Variants in SLC38A11 observed in about 807,000 individuals in gnomAD.
SLC38A11 encodes solute carrier family 38 member 11.
In SLC38A11, 51 loss-of-function variants were observed where a neutral mutation model predicts 49.4. That is an observed-to-expected ratio of 1.03 (90% CI 0.83 to 1.30). The LOEUF (loss-of-function observed/expected upper bound fraction) is 1.30, where lower values mean the gene tolerates loss of function less well. Among genes scored for constraint, SLC38A11 ranks in the 50% most tolerant of loss-of-function variants. The probability of loss-of-function intolerance (pLI) is 0.00; values close to 1 mark genes in which losing one functional copy is unlikely to be tolerated. For missense variants in SLC38A11, 574 were observed against 556.2 expected (o/e 1.03, Z -0.32); for synonymous variants, 203 against 192.9 (o/e 1.05, Z -0.43).
chr2:164,899,485 C>T (rs1454466303), intron 11 of SLC38A11, among the ~76,000 whole-genome samples: 1 of 151,938 alleles, frequency 6.6e-6, no homozygotes, highest in Non-Finnish European at 1.5e-5. Context: ...AGAGACTTTC[C>T]CCTTGAATAG....
chr2:164,951,367 T>G (rs1029192283), intron 3 of SLC38A11, among the ~76,000 whole-genome samples: 16 of 152,176 alleles, frequency 1.1e-4, no homozygotes, highest in African/African-American at 3.9e-4. Context: ...TGAAATTTTT[T>G]TTTTTAGTGT....
chr2:164,909,048 T>A (rs771519179), intron 10 of SLC38A11, among the ~76,000 whole-genome samples: 11 of 152,156 alleles, frequency 7.2e-5, no homozygotes, highest in Non-Finnish European at 1.2e-4. Flanking sequence ...ATCTTTCAAG[T>A]ACAGGAGAGA....
intron 7 of SLC38A11, among the ~76,000 whole-genome samples, chr2:164,927,200 A>G (rs1463714666): frequency 6.6e-6 from 1 of 152,110 alleles, no homozygotes; most frequent in South Asian, 2.1e-4. Context: ...GCAGAGTTCA[A>G]GGTGTCATCT....
chr2:164,928,448 G>A (rs1245370350), intron 7 of SLC38A11, among the ~76,000 whole-genome samples: 1 of 152,142 alleles, frequency 6.6e-6, no homozygotes, highest in African/African-American at 2.4e-5. Flanking sequence ...CATGCATCCA[G>A]TTGATGATTC....
chr2:164,940,691 A>G (rs1687705541), intron 5 of SLC38A11, among the ~76,000 whole-genome samples: 1 of 150,724 alleles, frequency 6.6e-6, no homozygotes, highest in South Asian at 2.1e-4. Flanking sequence ...TGTATTATAT[A>G]TATGATTATT....
At chr2:164,937,586 C>T in intron 6 of SLC38A11, 157 bp from the exon 7 acceptor site, 1 of 559,942 alleles carries the variant, frequency 1.8e-6, no homozygotes, top group East Asian at 3.1e-5. Context: ...TTGATAATCT[C>T]AGGCAGGTAA....
At chr2:164,900,331 G>A (rs1684573093) in intron 11 of SLC38A11, among the ~76,000 whole-genome samples, 1 of 151,984 alleles carries the variant, frequency 6.6e-6, no homozygotes, top group Non-Finnish European at 1.5e-5. Context: ...AGAGATTCCT[G>A]GGTCATATAA....
rs202198588 is a variant in SLC38A11 at position 164,898,694 on chromosome 2, G to A, written c.1132C>T (p.Pro378Ser). The change falls in exon 12 of 12, where the codon CCA (proline) becomes TCA (serine). Residue 378 changes from proline (P) to serine (S), a missense_variant. By Grantham distance (74) the Pro-to-Ser change is moderately conservative. Coordinates refer to ENST00000685975, the MANE Select transcript of SLC38A11 (RefSeq NM_001351537.2). The part of the protein sequence containing the change: ...LCATPLIFII[P>S]SACYLKLSEE... ...GACAGTTTCAGATAACAGGCTGATG[G>A]AATGATAAAAATGAGGGGAGTTGCA... The A allele has an allele frequency of 1.7e-5, 27 of 1,613,338 alleles. No homozygotes were observed. The highest frequency in any genetic ancestry group is 2.3e-5 in the Non-Finnish European group (27 of 1,179,600).
intron 7 of SLC38A11, among the ~76,000 whole-genome samples, chr2:164,933,554 A>G (rs914875764): frequency 2.6e-5 from 4 of 152,118 alleles, no homozygotes; most frequent in African/African-American, 9.6e-5. Flanking sequence ...ATGTTTCCAT[A>G]GTAACAAGGT....
At chr2:164,952,022 C>G (rs958023114) in intron 3 of SLC38A11, among the ~76,000 whole-genome samples, 2 of 152,026 alleles carry the variant, frequency 1.3e-5, no homozygotes, top group African/African-American at 4.8e-5. Flanking sequence ...GTAGAGGAGA[C>G]GCCATGTTTG....
chr2:164,908,710 A>G lies in SLC38A11; in HGVS notation c.1025T>C (p.Val342Ala), dbSNP rs1489246214. ...LSSVFHIVVT[V>A]MVITVATLVS... ...AAGCGTGGCTACAGTGATGACCATC[A>G]CTGTTACAACAATGTGGAAAACCGA... Residue 342 changes from valine (V) to alanine (A), a missense_variant, in exon 11 of 12, where the codon GTG becomes GCG. Physicochemically the swap from Val to Ala is moderately conservative, Grantham distance 64. Transcript: ENST00000685975. 9.3e-6 allele frequency: 15 copies of G among 1,611,704 alleles called. No homozygotes were observed. The East Asian group carries it at 3.1e-4, about 34-fold the overall frequency.
At chr2:164,928,707 C>CAGA in intron 7 of SLC38A11, among the ~76,000 whole-genome samples, 1 of 151,486 alleles carries the variant, frequency 6.6e-6, no homozygotes. Context: ...TTTAACCAAC[C>CAGA]AGAATATTCA....
chr2:164,914,323 G>GT (rs1053365090), intron 9 of SLC38A11, among the ~76,000 whole-genome samples: 3 of 152,074 alleles, frequency 2.0e-5, no homozygotes, highest in Admixed American at 2.0e-4. Context: ...ATGATTGAAT[G>GT]TAAGGGTCAA....
chr2:164,926,290 C>T (rs1686577037), intron 7 of SLC38A11, among the ~76,000 whole-genome samples: 1 of 152,184 alleles, frequency 6.6e-6, no homozygotes. Context: ...GTAAAGCTTT[C>T]CTTCATCTTC....
intron 11 of SLC38A11, among the ~76,000 whole-genome samples, chr2:164,899,505 G>A (rs1049262666): frequency 1.6e-4 from 25 of 151,990 alleles, no homozygotes; most frequent in African/African-American, 6.0e-4. Flanking sequence ...GGACTAATTC[G>A]CAATAGAAAC....
intron 7 of SLC38A11, among the ~76,000 whole-genome samples, chr2:164,924,690 T>G (rs1418186537): frequency 6.6e-6 from 1 of 151,938 alleles, no homozygotes; most frequent in Admixed American, 6.6e-5. Flanking sequence ...ACATAAAACT[T>G]TATGGTAATT....
chr2:164,933,750 T>G (rs1464380923), intron 7 of SLC38A11, among the ~76,000 whole-genome samples: 2 of 152,118 alleles, frequency 1.3e-5, no homozygotes, highest in Non-Finnish European at 2.9e-5. Flanking sequence ...CAAGCATTCA[T>G]CGCTGTCATA....
intron 11 of SLC38A11, among the ~76,000 whole-genome samples, chr2:164,906,266 G>T (rs1217016017): frequency 6.6e-6 from 1 of 152,148 alleles, no homozygotes; most frequent in Admixed American, 6.6e-5. Flanking sequence ...TCATTATGTT[G>T]ATTATCTCCA....
intron 7 of SLC38A11, among the ~76,000 whole-genome samples, chr2:164,920,717 C>T (rs1686134482): frequency 6.6e-6 from 1 of 151,584 alleles, no homozygotes; most frequent in Non-Finnish European, 1.5e-5. Flanking sequence ...GAGAATGCTC[C>T]AACAAAAGGA....
Sources: gnomAD v4.1 joint callset for allele counts (sites outside exome capture counted in the v4.1 genomes callset) on GRCh38, gnomAD v4.1.1 for gene constraint, MANE v1.5 for transcripts, NCBI Gene and HGNC (gene_info 2026-07-23, HGNC 2026-07-21) for gene names.